PSD3: variants seen among roughly 807,000 people sequenced by gnomAD.
PSD3 encodes the protein PH and SEC7 domain-containing protein 3.
In PSD3, 49 loss-of-function variants were observed where a neutral mutation model predicts 105.5. The ratio of observed to expected loss-of-function variants is 0.46; its 90% CI spans 0.37 to 0.59. PSD3 has a LOEUF of 0.59. PSD3 is among the 20% of genes least tolerant of loss of function. The pLI, the probability that PSD3 is intolerant of heterozygous loss-of-function variation, is 0.00. For synonymous variants in PSD3, 557 were observed against 457.8 expected (o/e 1.22, Z -2.77); for missense variants, 1,561 against 1,263.8 (o/e 1.24, Z -3.57).
At chr8:18,847,226 T>G (rs1055131362) in intron 4 of PSD3, among the ~76,000 whole-genome samples, 1 of 152,212 alleles carries the variant, frequency 6.6e-6, no homozygotes, top group Non-Finnish European at 1.5e-5. Flanking sequence ...GACTGCAGTA[T>G]GATCTCCTAC....
chr8:18,855,274 GATT>G (rs755402312), intron 4 of PSD3, among the ~76,000 whole-genome samples: 2 of 152,156 alleles, frequency 1.3e-5, no homozygotes, highest in Non-Finnish European at 2.9e-5. Context: ...ACCAGAAAAT[GATT>G]ATACTTACCA....
chr8:19,074,683 C>T (rs1490472032), intron 1 of PSD3, among the ~76,000 whole-genome samples: 4 of 133,996 alleles, frequency 3.0e-5, no homozygotes, highest in Non-Finnish European at 6.1e-5. Flanking sequence ...TGCAGTGACG[C>T]GATCGCAGCT....
intron 1 of PSD3, among the ~76,000 whole-genome samples, chr8:18,949,630 G>A (rs987291807): frequency 2.3e-4 from 35 of 152,050 alleles, no homozygotes; most frequent in Non-Finnish European, 5.1e-4. Context: ...TTTTGGTTCT[G>A]TGTATAGGAC....
chr8:18,782,357 G>C (rs1234556786), intron 8 of PSD3, among the ~76,000 whole-genome samples: 4 of 152,060 alleles, frequency 2.6e-5, no homozygotes, highest in Admixed American at 1.3e-4. Flanking sequence ...GCTATCTATA[G>C]AGTTGTTTGG....
At chr8:18,567,267 GGT>G (rs1358816791) in intron 14 of PSD3, among the ~76,000 whole-genome samples, 1 of 3,118 alleles carries the variant, frequency 3.2e-4, no homozygotes, top group Non-Finnish European at 5.4e-3. Flanking sequence ...AATTTTGGAA[GGT>G]TTTTTTTTTT....
intron 12 of PSD3, among the ~76,000 whole-genome samples, chr8:18,579,699 A>G (rs1224509474): frequency 6.6e-6 from 1 of 152,194 alleles, no homozygotes; most frequent in Non-Finnish European, 1.5e-5. Flanking sequence ...CATATGTACA[A>G]AAAATTGGCA....
At chr8:18,752,953 G>A (rs1482551866) in intron 9 of PSD3, among the ~76,000 whole-genome samples, 1 of 151,768 alleles carries the variant, frequency 6.6e-6, no homozygotes, top group Admixed American at 6.6e-5. Flanking sequence ...CCAGGAGCAG[G>A]AATTCACTTC....
At position 18,863,292 on chromosome 8, in the gene PSD3, G is replaced by A. The variant is rs368267323; in HGVS notation, c.1634+4382C>T. Among the ~76,000 whole-genome samples the A allele has an allele frequency of 6.1e-4, 93 of 152,286 alleles. 2 individuals are homozygous for A. The South Asian group carries it at 0.018, about 29-fold the overall frequency. ...GTCATCTGCTGATAAGCCGGCGAGC[G>A]AGAAGCACTCAGACACAAAGGAACC... is the stretch of plus-strand genomic sequence containing the variant. On this transcript the variant is annotated intron_variant, in intron 4 of 15. Transcript: ENST00000327040.
chr8:18,963,782 T>C (rs1824074682), intron 1 of PSD3, among the ~76,000 whole-genome samples: 1 of 152,206 alleles, frequency 6.6e-6, no homozygotes, highest in Non-Finnish European at 1.5e-5. Context: ...AGTTAAAATA[T>C]AGACACCACA....
At chr8:18,542,593 T>G (rs1220054634) in intron 15 of PSD3, among the ~76,000 whole-genome samples, 1 of 152,178 alleles carries the variant, frequency 6.6e-6, no homozygotes, top group Non-Finnish European at 1.5e-5. Context: ...ACACAAAAAT[T>G]AACATAGTTC....
intron 6 of PSD3, among the ~76,000 whole-genome samples, chr8:18,801,606 G>A (rs1810696519): frequency 6.6e-6 from 1 of 152,234 alleles, no homozygotes; most frequent in South Asian, 2.1e-4. Flanking sequence ...CAAGGCAGGT[G>A]TTCACTTGAG....
intron 4 of PSD3, among the ~76,000 whole-genome samples, chr8:18,853,314 C>T (rs1815741660): frequency 6.6e-6 from 1 of 152,158 alleles, no homozygotes; most frequent in Non-Finnish European, 1.5e-5. Context: ...CTGTTATAAT[C>T]ATTGACTACC....
At chr8:18,664,436 T>C (rs909586796) in intron 9 of PSD3, among the ~76,000 whole-genome samples, 6 of 152,340 alleles carry the variant, frequency 3.9e-5, no homozygotes, top group Admixed American at 2.6e-4. Flanking sequence ...AGCAAGGACC[T>C]AACTGTCTTC....
At chr8:18,927,390 T>C (rs1235095686) in intron 2 of PSD3, among the ~76,000 whole-genome samples, 1 of 152,038 alleles carries the variant, frequency 6.6e-6, no homozygotes, top group Non-Finnish European at 1.5e-5. Context: ...ATTTTTGCAT[T>C]CTTAGGAGAG....
At chr8:18,594,682 C>G (rs1350179052) in intron 12 of PSD3, among the ~76,000 whole-genome samples, 2 of 151,280 alleles carry the variant, frequency 1.3e-5, no homozygotes, top group Non-Finnish European at 2.9e-5. Context: ...CTGATGGACA[C>G]CAAAATCCAT....
At chr8:18,651,078 A>G (rs1187931632) in intron 10 of PSD3, among the ~76,000 whole-genome samples, 5 of 152,258 alleles carry the variant, frequency 3.3e-5, no homozygotes, top group Admixed American at 1.3e-4. Context: ...TACCTTAAAA[A>G]TATGAAATAG....
intron 2 of PSD3, among the ~76,000 whole-genome samples, chr8:18,931,975 T>C (rs571717901): frequency 6.6e-6 from 1 of 152,344 alleles, no homozygotes; most frequent in South Asian, 2.1e-4. Flanking sequence ...CCAATGAGTT[T>C]GGGCAAATTA....
At position 18,652,469 on chromosome 8, in the gene PSD3, C is replaced by T. The variant is rs368411068; in HGVS notation, c.2216+3173G>A. Among the ~76,000 whole-genome samples, 464 of 145,020 alleles carry T rather than the reference C, an allele frequency of 3.2e-3. 1 individual carries two copies. The highest frequency in any genetic ancestry group is 0.012 in the African/African-American group (452 of 39,064). On this transcript the variant is annotated intron_variant, in intron 10 of 15. Transcript: ENST00000327040. Reference sequence around the variant, plus strand: ...ATAAATAATTATATCCATGTACATACACTTTTATCAAGGAAAAAGCTTAGT... The same window carrying T: ...ATAAATAATTATATCCATGTACATATACTTTTATCAAGGAAAAAGCTTAGT...
At chr8:18,985,970 T>C (rs1384117188) in intron 1 of PSD3, among the ~76,000 whole-genome samples, 2 of 152,114 alleles carry the variant, frequency 1.3e-5, no homozygotes, top group Non-Finnish European at 2.9e-5. Context: ...TTACTCAAAG[T>C]TCTATTTAAA....
Sources: allele counts gnomAD v4.1 joint callset (sites outside exome capture counted in the v4.1 genomes callset), GRCh38; gene constraint gnomAD v4.1.1; transcripts MANE v1.5; gene names NCBI Gene and HGNC (gene_info 2026-07-23, HGNC 2026-07-21).